Variants in DUSP7 observed in about 807,000 individuals in gnomAD.
DUSP7 encodes dual specificity phosphatase 7, also known as dual specificity protein phosphatase 7.
A neutral mutation model predicts 29.8 loss-of-function variants in DUSP7; 7 were observed. The observed-to-expected ratio is 0.24, with a 90% CI of 0.13 to 0.44. DUSP7 has a LOEUF of 0.44. Among genes scored for constraint, DUSP7 ranks in the 20% least tolerant of loss-of-function variants. DUSP7 has a pLI of 1.00. For missense variants in DUSP7, 400 were observed against 583.7 expected, an observed-to-expected ratio of 0.69 and a Z score of 3.24; for synonymous variants, 287 against 275.4, an observed-to-expected ratio of 1.04 and a Z score of -0.42.
chr3:52,054,208 A>G lies in DUSP7; in HGVS notation c.684T>C (p.Ser228=), dbSNP rs1701873558. ...CAGGGCTGCCGTCTGACTCGGTGGCACTGCTGGGCAGCTCTCGGTCCGACT... is the reference window on the plus strand; with the variant it reads ...CAGGGCTGCCGTCTGACTCGGTGGCGCTGCTGGGCAGCTCTCGGTCCGACT... ...DGESDRELPS[S]ATESDGSPVP... is the part of the protein sequence containing the mutation. The change falls in exon 2 of 3, where the codon AGT becomes AGC. Residue 228 remains serine (S), a synonymous_variant. Transcript: ENST00000495880. This position sits in a 1 kb window ranked among gnomAD's most constrained non-coding sequence, Gnocchi z 4.1. 17 of 1,612,104 alleles carry G rather than the reference A, an allele frequency of 1.1e-5. No homozygotes were observed. The highest frequency in any genetic ancestry group is 1.3e-5 in the Non-Finnish European group (15 of 1,178,654).
chr3:52,050,758 C>T lies in DUSP7; in HGVS notation c.*57G>A. 6.5e-7 allele frequency: 1 copy of T among 1,547,446 alleles called. No homozygotes were observed. Among genetic ancestry groups the T allele is most frequent in the Non-Finnish European group, 8.8e-7 (1 of 1,141,804 alleles). Reference sequence around the variant, plus strand: ...AGGTGGCGGGCTTGGGCTCTCCCACCTAGCCCTGTGGAGAGCCGAGCAGGG... The same window carrying T: ...AGGTGGCGGGCTTGGGCTCTCCCACTTAGCCCTGTGGAGAGCCGAGCAGGG... On this transcript the variant is annotated 3_prime_UTR_variant, in exon 3 of 3. Coordinates refer to ENST00000495880, the MANE Select transcript of DUSP7 (RefSeq NM_001947.4). This position sits in a 1 kb window ranked among gnomAD's most constrained non-coding sequence, Gnocchi z 5.0.
Position 52,050,748 on chromosome 3 carries a change from G to C in DUSP7, c.*67C>G. ...CTCAGGCCAGAGGTGGCGGGCTTGG[G>C]CTCTCCCACCTAGCCCTGTGGAGAG... On this transcript the variant is annotated 3_prime_UTR_variant, in exon 3 of 3. Transcript: ENST00000495880. This position sits in a 1 kb window ranked among gnomAD's most constrained non-coding sequence, Gnocchi z 5.0. The C allele has an allele frequency of 6.6e-7, 1 of 1,513,432 alleles. No individual in the cohort carries two copies. Among genetic ancestry groups the C allele is most frequent in the South Asian group, 1.3e-5 (1 of 77,728 alleles). 93.8% of individuals were successfully genotyped at this position (1,513,432 alleles called of 1,614,324 possible).
intron 2 of DUSP7, chr3:52,052,276 C>CAGT (rs1459864700): frequency 6.6e-6 from 1 of 152,352 alleles, no homozygotes; most frequent in Non-Finnish European, 1.5e-5. Flanking sequence ...TGCCTTCCTA[C>CAGT]AAGATGACAT....
rs138433914 is a variant in DUSP7 at position 52,053,603 on chromosome 3, G to A, written c.952+337C>T. Reference sequence around the variant, plus strand: ...GCGTGATGCGGAGCAAGTGAGACCCGTGGGAGGTCTGTGCGCTGTGATGTT... The same window carrying A: ...GCGTGATGCGGAGCAAGTGAGACCCATGGGAGGTCTGTGCGCTGTGATGTT... On this transcript the variant is annotated intron_variant, in intron 2 of 2. Coordinates refer to ENST00000495880, the MANE Select transcript of DUSP7 (RefSeq NM_001947.4). The surrounding 1 kb of genome is among the most constrained non-coding windows in gnomAD (Gnocchi z 4.6). The A allele has an allele frequency of 2.0e-5, 7 of 348,972 alleles. No homozygotes were observed. The highest frequency in any genetic ancestry group is 5.8e-5 in the South Asian group (2 of 34,250). The allele number at this position is 348,972 out of a possible 1,614,324, so 21.6% of individuals were successfully genotyped here.
rs1281027010 is a variant in DUSP7, at chr3:52,055,916, C to A, written c.451G>T (p.Ala151Ser). 1 of 1,545,938 alleles carries A rather than the reference C, an allele frequency of 6.5e-7. No homozygotes were observed. The highest frequency in any genetic ancestry group is 8.7e-7 in the Non-Finnish European group (1 of 1,148,290). ...TGTAGGAGCAGGCCGAGCACGGAGG[C>A]GGGAGCGCCGGGCTCGGGCTGCCAC... The part of the protein sequence containing the change: ...AEWQPEPGAP[A>S]SVLGLLLQKL... Residue 151 changes from alanine (A) to serine (S), a missense_variant, in exon 1 of 3, where the codon GCC (alanine) becomes TCC (serine). Ala to Ser is a moderately conservative substitution (Grantham distance 99). Transcript: ENST00000495880.
chr3:52,053,940 C>T lies in DUSP7; in HGVS notation c.952G>A (p.Asp318Asn). The T allele has an allele frequency of 6.2e-7, 1 of 1,614,076 alleles. No homozygotes were observed. Among genetic ancestry groups the T allele is most frequent in the Non-Finnish European group, 8.5e-7 (1 of 1,179,974 alleles). Residue 318 changes from aspartate (D) to asparagine (N), a missense_variant and splice_region_variant, in exon 2 of 3, where the codon GAC (aspartate) becomes AAC (asparagine). Coordinates refer to ENST00000495880, the MANE Select transcript of DUSP7 (RefSeq NM_001947.4). This position sits in a 1 kb window ranked among gnomAD's most constrained non-coding sequence, Gnocchi z 4.6. The stretch of plus-strand genomic sequence containing the variant: ...CCCCTGCCCAGCACACAGCACCTAC[C>T]AATGAAGCTGATGGCCTCAGGGAAG... ...QFFPEAISFI[D>N]EARSKKCGVL...
Position 52,054,484 on chromosome 3 carries a change from C to T in DUSP7, c.518-110G>A, listed in dbSNP as rs1414343929. On this transcript the variant is annotated intron_variant, in intron 1 of 2. Transcript: ENST00000495880. The surrounding 1 kb of genome is among the most constrained non-coding windows in gnomAD (Gnocchi z 4.1). Reference sequence around the variant, plus strand: ...TGCACGCCAAACACCACAGCACCCACGGTCAGCATGGGCCATGCCAAGCAT... The same window carrying T: ...TGCACGCCAAACACCACAGCACCCATGGTCAGCATGGGCCATGCCAAGCAT... The T allele has an allele frequency of 1.8e-5, 16 of 872,402 alleles. No homozygotes were observed. Among genetic ancestry groups the T allele is most frequent in the Admixed American group, 9.0e-5 (3 of 33,262 alleles). The allele number at this position is 872,402 out of a possible 1,614,324, so 54.0% of individuals were successfully genotyped here. A position where few individuals can be genotyped will look rare whatever the true frequency, so the allele number is the denominator to read the frequency against.
rs1701902377 is a variant in DUSP7, at chr3:52,056,470, G to A, written c.-104C>T. The A allele has an allele frequency of 3.6e-6, 2 of 551,482 alleles. No individual in the cohort carries two copies. Among genetic ancestry groups the A allele is most frequent in the Non-Finnish European group, 4.6e-6 (2 of 436,640 alleles). 34.2% of individuals were successfully genotyped at this position (551,482 alleles called of 1,614,324 possible). A position where few individuals can be genotyped will look rare whatever the true frequency, so the allele number is the denominator to read the frequency against. On this transcript the variant is annotated 5_prime_UTR_variant, in exon 1 of 3. Transcript: ENST00000495880. This position sits in a 1 kb window ranked among gnomAD's most constrained non-coding sequence, Gnocchi z 6.4. Reference sequence around the variant, plus strand: ...CGTCTCCGGGCGCCCGCCTCCCGCCGAGCTGCGCGCCCGCCGCCCCGGCCT... The same window carrying A: ...CGTCTCCGGGCGCCCGCCTCCCGCCAAGCTGCGCGCCCGCCGCCCCGGCCT...
rs1414281616 is a variant in DUSP7 at position 52,050,713 on chromosome 3, CT to C, written c.*101del. The C allele has an allele frequency of 2.3e-6, 3 of 1,326,116 alleles. No individual in the cohort carries two copies. The African/African-American group carries it at 4.5e-5, about 20-fold the overall frequency. The allele number at this position is 1,326,116 out of a possible 1,614,324, so 82.1% of individuals were successfully genotyped here. ...CTGGGCCTCTGGGCACAGGTGACAT[CT>C]GGGGGTTCCTCAGGCCAGAGGTGGC... On this transcript the variant is annotated 3_prime_UTR_variant, in exon 3 of 3. Coordinates refer to ENST00000495880, the MANE Select transcript of DUSP7 (RefSeq NM_001947.4). This position sits in a 1 kb window ranked among gnomAD's most constrained non-coding sequence, Gnocchi z 5.0.
chr3:52,052,289 G>A (rs1013003741), intron 2 of DUSP7: 1 of 152,252 alleles, frequency 6.6e-6, no homozygotes, highest in Admixed American at 6.5e-5. Flanking sequence ...GATGACATAC[G>A]GGTTCACCCA....
Position 52,054,450 on chromosome 3 carries a change from C to T in DUSP7, c.518-76G>A, listed in dbSNP as rs1487739677. ...ATGGGCTGCACAAGACCAGAGATGG[C>T]CAGGACTCTGCACGCCAAACACCAC... On this transcript the variant is annotated intron_variant, in intron 1 of 2. Coordinates refer to ENST00000495880, the MANE Select transcript of DUSP7 (RefSeq NM_001947.4). This position sits in a 1 kb window ranked among gnomAD's most constrained non-coding sequence, Gnocchi z 4.1. 1.7e-5 allele frequency: 22 copies of T among 1,300,640 alleles called. No individual in the cohort carries two copies. Among genetic ancestry groups the T allele is most frequent in the Non-Finnish European group, 2.2e-5 (21 of 950,856 alleles). The allele number at this position is 1,300,640 out of a possible 1,614,324, so 80.6% of individuals were successfully genotyped here. A position where few individuals can be genotyped will look rare whatever the true frequency, so the allele number is the denominator to read the frequency against.
rs1033687474 is a variant in DUSP7, at chr3:52,053,976, G to C, written c.916C>G (p.Leu306Val). 1 of 1,614,244 alleles carries C rather than the reference G, an allele frequency of 6.2e-7. No homozygotes were observed. The highest frequency in any genetic ancestry group is 2.2e-5 in the East Asian group (1 of 44,890). The change falls in exon 2 of 3, where the codon CTC becomes GTC. Residue 306 changes from leucine to valine, a missense_variant. Leu to Val is a conservative substitution (Grantham distance 32, BLOSUM62 1). This residue lies in a region of DUSP7 where 223 missense variants were observed against 360.9 expected (regional missense o/e 0.62). Transcript: ENST00000495880. This position sits in a 1 kb window ranked among gnomAD's most constrained non-coding sequence, Gnocchi z 4.6. ...IPISDHWSQN[L>V]SQFFPEAISF... ...ATGGCCTCAGGGAAGAACTGGGAGA[G>C]GTTCTGGCTCCAGTGGTCAGAGATG... is the stretch of plus-strand genomic sequence containing the variant.
rs1294244178 is a variant in DUSP7 at position 52,056,027 on chromosome 3, T to C, written c.340A>G (p.Ile114Val). 1 of 1,594,970 alleles carries C rather than the reference T, an allele frequency of 6.3e-7. No individual in the cohort carries two copies. The highest frequency in any genetic ancestry group is 1.1e-5 in the South Asian group (1 of 88,650). ...LRKGNLPIRS[I>V]IPNHADKERF... ...TCCTTGTCGGCGTGGTTGGGGATGATGGAGCGGATGGGCAGGTTGCCCTTG... is the reference window on the plus strand; with the variant it reads ...TCCTTGTCGGCGTGGTTGGGGATGACGGAGCGGATGGGCAGGTTGCCCTTG... The change falls in exon 1 of 3, where the codon ATC becomes GTC. Residue 114 changes from isoleucine to valine, a missense_variant. This residue lies in a region of DUSP7 where 223 missense variants were observed against 360.9 expected (regional missense o/e 0.62). Transcript: ENST00000495880. The surrounding 1 kb of genome is among the most constrained non-coding windows in gnomAD (Gnocchi z 6.4).
chr3:52,053,215 G>A lies in DUSP7; in HGVS notation c.952+725C>T, dbSNP rs1701863167. ...CCCCTTCCTTGCACCCTGGGCCAGG[G>A]GAGATGACCTGTGGTCTCAGCCTCC... On this transcript the variant is annotated intron_variant, in intron 2 of 2. Transcript: ENST00000495880. The surrounding 1 kb of genome is among the most constrained non-coding windows in gnomAD (Gnocchi z 4.6). 6.5e-6 allele frequency: 1 copy of A among 153,290 alleles called. No individual in the cohort carries two copies. The highest frequency in any genetic ancestry group is 2.4e-5 in the African/African-American group (1 of 41,464). 9.5% of individuals were successfully genotyped at this position (153,290 alleles called of 1,614,324 possible).
intron 1 of DUSP7, among the ~76,000 whole-genome samples, chr3:52,055,115 G>A (rs1701885186): frequency 6.6e-6 from 1 of 152,210 alleles, no homozygotes; most frequent in African/African-American, 2.4e-5. Context: ...AGCGAGGCAT[G>A]GGCCCTGCGC....
Position 52,051,881 on chromosome 3 carries a change from A to T in DUSP7, c.953-759T>A, listed in dbSNP as rs1279147002. The T allele has an allele frequency of 6.6e-6, 1 of 152,280 alleles. No homozygotes were observed. Among genetic ancestry groups the T allele is most frequent in the Non-Finnish European group, 1.5e-5 (1 of 68,076 alleles). The allele number at this position is 152,280 out of a possible 1,614,324, so 9.4% of individuals were successfully genotyped here. A position where few individuals can be genotyped will look rare whatever the true frequency, so the allele number is the denominator to read the frequency against. On this transcript the variant is annotated intron_variant, in intron 2 of 2. Coordinates refer to ENST00000495880, the MANE Select transcript of DUSP7 (RefSeq NM_001947.4). This position sits in a 1 kb window ranked among gnomAD's most constrained non-coding sequence, Gnocchi z 4.8. ...ACACTATCACTTGTGATGGGGCTTC[A>T]TAAGTGAGGTGTGCTTAAATGGGCC...
At position 52,050,665 on chromosome 3, in the gene DUSP7, G is replaced by C; in HGVS notation, c.*150C>G. On this transcript the variant is annotated 3_prime_UTR_variant, in exon 3 of 3. Coordinates refer to ENST00000495880, the MANE Select transcript of DUSP7 (RefSeq NM_001947.4). This position sits in a 1 kb window ranked among gnomAD's most constrained non-coding sequence, Gnocchi z 5.0. ...CGGGCCCTGCCCCCAAGGATGGTGA[G>C]GGGCGCTCCGACACCGATCAGCCTG... 1.1e-6 allele frequency: 1 copy of C among 928,046 alleles called. No homozygotes were observed. The highest frequency in any genetic ancestry group is 1.6e-6 in the Non-Finnish European group (1 of 636,132). The allele number at this position is 928,046 out of a possible 1,614,324, so 57.5% of individuals were successfully genotyped here. A position where few individuals can be genotyped will look rare whatever the true frequency, so the allele number is the denominator to read the frequency against.
chr3:52,056,163 G>T lies in DUSP7; in HGVS notation c.204C>A (p.Gly68=). 6.3e-7 allele frequency: 1 copy of T among 1,591,032 alleles called. No homozygotes were observed. The highest frequency in any genetic ancestry group is 8.5e-7 in the Non-Finnish European group (1 of 1,174,812). The change falls in exon 1 of 3, where the codon GGC becomes GGA. Residue 68 remains glycine, a synonymous_variant. Coordinates refer to ENST00000495880, the MANE Select transcript of DUSP7 (RefSeq NM_001947.4). This position sits in a 1 kb window ranked among gnomAD's most constrained non-coding sequence, Gnocchi z 6.4. ...AGTCGAGCAGCAGCAAGGACGCGCC[G>T]CCGCGCGCCTCCAGCTCCTCCTGCA... is the stretch of plus-strand genomic sequence containing the variant. The part of the protein sequence containing the change: ...EWLQEELEAR[G]GASLLLLDCR...
rs1701868772 is a variant in DUSP7 at position 52,053,676 on chromosome 3, T to TGGAC, written c.952+260_952+263dup. 1 of 521,266 alleles carries TGGAC rather than the reference T, an allele frequency of 1.9e-6. No individual in the cohort carries two copies. Among genetic ancestry groups the TGGAC allele is most frequent in the Non-Finnish European group, 3.5e-6 (1 of 288,802 alleles). The allele number at this position is 521,266 out of a possible 1,614,324, so 32.3% of individuals were successfully genotyped here. On this transcript the variant is annotated intron_variant, in intron 2 of 2. Transcript: ENST00000495880. This position sits in a 1 kb window ranked among gnomAD's most constrained non-coding sequence, Gnocchi z 4.6. ...ACATCTAAGCCAGGAAAACACAAGC[T>TGGAC]GGACAGCAGAGAGCCCATGACGTGC...
Sources: gnomAD v4.1 joint callset for allele counts (sites outside exome capture counted in the v4.1 genomes callset) on GRCh38, gnomAD v4.1.1 for gene constraint, gnomAD v4.1.1 regional missense constraint, Gnocchi (gnomAD v3.1) non-coding constraint, MANE v1.5 for transcripts, NCBI Gene and HGNC (gene_info 2026-07-23, HGNC 2026-07-21) for gene names.